The following TRPM3 variants were observed in gnomAD, a reference collection of about 807,000 sequenced individuals.
TRPM3 encodes transient receptor potential cation channel subfamily M member 3.
TRPM3 carries 77 observed loss-of-function variants against 181.2 expected under a neutral mutation model. That is an observed-to-expected ratio of 0.42 (90% CI 0.35 to 0.51). The LOEUF (loss-of-function observed/expected upper bound fraction) is 0.51, where lower values mean the gene tolerates loss of function less well. Among genes scored for constraint, TRPM3 ranks in the 20% least tolerant of loss-of-function variants. The probability of loss-of-function intolerance (pLI) is 0.01; values close to 1 mark genes in which losing one functional copy is unlikely to be tolerated. For missense variants in TRPM3, 1,759 were observed against 2,196.7 expected, an observed-to-expected ratio of 0.80 and a Z score of 3.98; for synonymous variants, 745 against 796.4, an observed-to-expected ratio of 0.94 and a Z score of 1.09.
rs1267817060 is a variant in TRPM3, at chr9:70,784,245, T to C, written c.1008A>G (p.Ile336Met). 1.9e-6 allele frequency: 3 copies of C among 1,612,344 alleles called. No individual in the cohort carries two copies. Residue 336 changes from isoleucine to methionine, a missense_variant, in exon 7 of 26, where the codon ATA (isoleucine) becomes ATG (methionine). By Grantham distance (10) the Ile-to-Met change is conservative. Transcript: ENST00000677713. ...IGQGVPVVAL[I>M]VEGGPNVISI... Reference sequence around the variant, plus strand: ...AGATCACATTGGGTCCTCCTTCCACTATGAGTGCCACCACAGGAACACCTT... The same window carrying C: ...AGATCACATTGGGTCCTCCTTCCACCATGAGTGCCACCACAGGAACACCTT...
At chr9:70,641,920 T>C (rs1031142299) in intron 9 of TRPM3, among the ~76,000 whole-genome samples, 1 of 152,170 alleles carries the variant, frequency 6.6e-6, no homozygotes, top group African/African-American at 2.4e-5. Context: ...ATTTGTGAAA[T>C]GGAGGCAATA....
chr9:71,114,979 A>G (rs1384988664), intron 1 of TRPM3, among the ~76,000 whole-genome samples: 3 of 152,244 alleles, frequency 2.0e-5, no homozygotes, highest in Non-Finnish European at 4.4e-5. Flanking sequence ...AAAAAGAAAT[A>G]GGGAAAAACA....
At chr9:70,761,233 A>G (rs1339496648) in intron 8 of TRPM3, 1 of 582,848 alleles carries the variant, frequency 1.7e-6, no homozygotes, top group East Asian at 2.8e-5. Flanking sequence ...GACAGAAAGC[A>G]CCTCAGTGGT....
intron 7 of TRPM3, among the ~76,000 whole-genome samples, chr9:70,768,858 C>T (rs2079646787): frequency 2.6e-5 from 4 of 152,170 alleles, no homozygotes; most frequent in Admixed American, 2.6e-4. Context: ...TTCATCTTCT[C>T]ATCTGTTAAA....
intron 1 of TRPM3, among the ~76,000 whole-genome samples, chr9:71,217,678 C>T (rs2131834073): frequency 6.6e-6 from 1 of 152,308 alleles, no homozygotes; most frequent in Non-Finnish European, 1.5e-5. Context: ...ATCCAGCTGT[C>T]CTGATGAAGT....
intron 16 of TRPM3, 50 bp from the exon 17 acceptor site, chr9:70,619,145 A>G: frequency 6.6e-7 from 1 of 1,524,500 alleles, no homozygotes; most frequent in Non-Finnish European, 8.9e-7. Flanking sequence ...TTGGAGACTT[A>G]TAAGGTAAAA....
intron 1 of TRPM3, among the ~76,000 whole-genome samples, chr9:70,925,430 G>A (rs2096711300): frequency 6.6e-6 from 1 of 152,094 alleles, no homozygotes; most frequent in Non-Finnish European, 1.5e-5. Flanking sequence ...GGAGTCAGAG[G>A]TGGGTCTTAA....
chr9:70,538,247 G>A (rs2042285926), intron 25 of TRPM3, among the ~76,000 whole-genome samples: 1 of 152,110 alleles, frequency 6.6e-6, no homozygotes, highest in African/African-American at 2.4e-5. Flanking sequence ...GTTATTGCTA[G>A]AACTCTCTAT....
At chr9:70,894,720 A>C (rs76086801) in intron 1 of TRPM3, among the ~76,000 whole-genome samples, 1 of 152,208 alleles carries the variant, frequency 6.6e-6, no homozygotes, top group Non-Finnish European at 1.5e-5. Flanking sequence ...CAGAATTGCC[A>C]TAATATTACC....
chr9:70,652,279 T>C (rs1445622281), intron 9 of TRPM3, among the ~76,000 whole-genome samples: 1 of 152,032 alleles, frequency 6.6e-6, no homozygotes, highest in Non-Finnish European at 1.5e-5. Flanking sequence ...GACAGTTAAT[T>C]TGATTGAATT....
At chr9:70,776,335 C>A in intron 7 of TRPM3, 1 of 635,954 alleles carries the variant, frequency 1.6e-6, no homozygotes, top group Non-Finnish European at 2.8e-6. Flanking sequence ...TAGGACACTG[C>A]AGATGCTGAG....
chr9:71,280,081 A>T (rs992851714), intron 1 of TRPM3, among the ~76,000 whole-genome samples: 7 of 149,338 alleles, frequency 4.7e-5, no homozygotes, highest in Non-Finnish European at 8.9e-5. Context: ...TCCATCTCAA[A>T]AAAAAAAAAA....
chr9:71,416,130 A>C (rs1588927733), intron 1 of TRPM3, among the ~76,000 whole-genome samples: 1 of 151,736 alleles, frequency 6.6e-6, no homozygotes, highest in East Asian at 1.9e-4. Flanking sequence ...AGTTTAACCT[A>C]TAGTATCGAA....
chr9:70,611,453 A>ACTCT (rs775453449), intron 18 of TRPM3, among the ~76,000 whole-genome samples: 2 of 151,592 alleles, frequency 1.3e-5, no homozygotes, highest in African/African-American at 4.9e-5. Context: ...TCGGTCTGTC[A>ACTCT]CTCTCTCTCT....
intron 1 of TRPM3, among the ~76,000 whole-genome samples, chr9:71,208,962 C>A (rs1037123299): frequency 6.6e-6 from 1 of 152,154 alleles, no homozygotes; most frequent in Non-Finnish European, 1.5e-5. Context: ...GCAGTCCATG[C>A]AACTATTTAC....
intron 12 of TRPM3, 23 bp downstream of exon 12, chr9:70,635,188 C>A (rs754409619): frequency 1.2e-6 from 2 of 1,611,526 alleles, no homozygotes; most frequent in Non-Finnish European, 8.5e-7. Context: ...GGGCCTCCGA[C>A]CTGCAGTCGA....
At chr9:70,632,328 C>A (rs1277450358) in intron 12 of TRPM3, among the ~76,000 whole-genome samples, 2 of 152,160 alleles carry the variant, frequency 1.3e-5, no homozygotes, top group Non-Finnish European at 2.9e-5. Flanking sequence ...TTATTCACTT[C>A]TTCCCCAAAC....
At position 70,625,271 on chromosome 9, in the gene TRPM3, G is replaced by A; in HGVS notation, c.1729C>T (p.Leu577=). ...LIDIGLVIEY[L]MGGAYRCNYT... is the part of the protein sequence containing the mutation. ...TTGCAGCGATAAGCCCCGCCCATCA[G>A]GTACTCGATCACCAGGCCGATGTCA... Residue 577 remains leucine (L), a synonymous_variant, in exon 14 of 26, where the codon CTG becomes TTG. Coordinates refer to ENST00000677713, the MANE Select transcript of TRPM3 (RefSeq NM_001366145.2). The surrounding 1 kb of genome is among the most constrained non-coding windows in gnomAD (Gnocchi z 4.8). 1 of 1,614,164 alleles carries A rather than the reference G, an allele frequency of 6.2e-7. No individual in the cohort carries two copies. Among genetic ancestry groups the A allele is most frequent in the Non-Finnish European group, 8.5e-7 (1 of 1,180,030 alleles).
chr9:71,059,308 T>C (rs781570188), intron 1 of TRPM3, among the ~76,000 whole-genome samples: 1 of 151,984 alleles, frequency 6.6e-6, no homozygotes, highest in Admixed American at 6.6e-5. Flanking sequence ...AAGAGTAGTA[T>C]ATATGCCCAA....
Sources: gnomAD v4.1 joint callset for allele counts (sites outside exome capture counted in the v4.1 genomes callset) on GRCh38, gnomAD v4.1.1 for gene constraint, Gnocchi (gnomAD v3.1) non-coding constraint, MANE v1.5 for transcripts, NCBI Gene and HGNC (gene_info 2026-07-23, HGNC 2026-07-21) for gene names.